Variants in SLC12A3 observed in about 807,000 individuals in gnomAD.
SLC12A3 encodes the protein solute carrier family 12 member 3, also known as Na-Cl cotransporter.
In SLC12A3, 104 loss-of-function variants were observed where a neutral mutation model predicts 121.0. That is an observed-to-expected ratio of 0.86 (90% confidence interval 0.73 to 1.01). SLC12A3 has a LOEUF of 1.01. SLC12A3 is among the 50% of genes least tolerant of loss of function. The pLI, the probability that SLC12A3 is intolerant of heterozygous loss-of-function variation, is 0.00. For synonymous variants in SLC12A3, 536 were observed against 533.4 expected, an observed-to-expected ratio of 1.00 and a Z score of -0.07; for missense variants, 1,328 against 1,356.3, an observed-to-expected ratio of 0.98 and a Z score of 0.33.
intron 23 of SLC12A3, among the ~76,000 whole-genome samples, chr16:56,900,062 G>A (rs1216666712): frequency 2.0e-5 from 3 of 152,114 alleles, no homozygotes; most frequent in Non-Finnish European, 2.9e-5. Context: ...TTTGTATTTT[G>A]TCAATCAGTG....
At chr16:56,870,555 T>C (rs1015956371) in intron 5 of SLC12A3, 71 bp from the exon 6 acceptor site, 23 of 1,039,980 alleles carry the variant, frequency 2.2e-5, no homozygotes, top group Non-Finnish European at 3.5e-5. Context: ...AGGTGCCTCC[T>C]AGGTGGGCAG....
chr16:56,875,049 G>A (rs1271343575), intron 8 of SLC12A3, among the ~76,000 whole-genome samples: 2 of 152,138 alleles, frequency 1.3e-5, no homozygotes, highest in East Asian at 1.9e-4. Flanking sequence ...TCATTAGATC[G>A]TTGCCTGGGA....
chr16:56,894,713 C>T, intron 22 of SLC12A3, 71 bp downstream of exon 22: 1 of 1,180,416 alleles, frequency 8.5e-7, no homozygotes, highest in East Asian at 2.4e-5. Context: ...CAAGGCTGTC[C>T]CCTACCCTAG....
At chr16:56,867,743 G>A (rs892265989) in intron 2 of SLC12A3, among the ~76,000 whole-genome samples, 2 of 152,216 alleles carry the variant, frequency 1.3e-5, no homozygotes, top group South Asian at 4.1e-4. Flanking sequence ...TCTCCCTCCT[G>A]GGCTGTGTTG....
At chr16:56,889,709 A>C (rs181326191) in intron 18 of SLC12A3, among the ~76,000 whole-genome samples, 6 of 152,270 alleles carry the variant, frequency 3.9e-5, no homozygotes, top group Non-Finnish European at 7.4e-5. Context: ...TCCTGACCTC[A>C]GGTGATCCGC....
intron 19 of SLC12A3, among the ~76,000 whole-genome samples, chr16:56,890,902 CA>C (rs11342916): frequency 0.46 from 55,918 of 121,758 alleles, 11,263 homozygotes; most frequent in East Asian, 0.61. Flanking sequence ...GACTCCATCT[CA>C]AAAAAAAAAA....
chr16:56,896,739 C>G (rs572153170), intron 22 of SLC12A3, among the ~76,000 whole-genome samples: 1 of 152,240 alleles, frequency 6.6e-6, no homozygotes, highest in East Asian at 1.9e-4. Flanking sequence ...AGAACAGATG[C>G]TATCTCTATT....
intron 25 of SLC12A3, 94 bp downstream of exon 25, chr16:56,904,556 C>T: frequency 8.4e-7 from 1 of 1,192,114 alleles, no homozygotes; most frequent in Non-Finnish European, 1.2e-6. Context: ...ACGGAGGGCC[C>T]AAGCCTTCCC....
intron 25 of SLC12A3, among the ~76,000 whole-genome samples, chr16:56,910,578 AATCC>A (rs1374413952): frequency 6.6e-6 from 1 of 152,138 alleles, no homozygotes; most frequent in Non-Finnish European, 1.5e-5. Flanking sequence ...GAGCTCAAGC[AATCC>A]ACCTGCCTTG....
chr16:56,901,777 C>A (rs1416310027), intron 23 of SLC12A3, among the ~76,000 whole-genome samples: 1 of 152,226 alleles, frequency 6.6e-6, no homozygotes, highest in Non-Finnish European at 1.5e-5. Context: ...CACCTCCTCC[C>A]ACCCTTCCCT....
intron 21 of SLC12A3, among the ~76,000 whole-genome samples, chr16:56,894,145 A>G (rs1300209591): frequency 1.3e-5 from 2 of 151,948 alleles, no homozygotes; most frequent in Non-Finnish European, 2.9e-5. Flanking sequence ...CTGGGATTAT[A>G]GGTGTGCACC....
At chr16:56,871,876 C>T (rs2055101579) in intron 6 of SLC12A3, among the ~76,000 whole-genome samples, 1 of 152,206 alleles carries the variant, frequency 6.6e-6, no homozygotes, top group Admixed American at 6.5e-5. Context: ...ACACCCACCA[C>T]CATGCCTGGC....
At chr16:56,869,110 G>A (rs1327916392) in intron 3 of SLC12A3, among the ~76,000 whole-genome samples, 1 of 152,236 alleles carries the variant, frequency 6.6e-6, no homozygotes, top group Non-Finnish European at 1.5e-5. Flanking sequence ...AGGAAAATGA[G>A]GGTGATAACA....
intron 25 of SLC12A3, among the ~76,000 whole-genome samples, chr16:56,905,948 T>C (rs1234754766): frequency 6.6e-6 from 1 of 152,178 alleles, no homozygotes; most frequent in African/African-American, 2.4e-5. Context: ...CAACCACAAG[T>C]GCCTCATCAA....
rs1244209340 is a variant in SLC12A3, at chr16:56,884,194, C to T, written c.1815C>T (p.Tyr605=). Residue 605 remains tyrosine, a synonymous_variant, in exon 14 of 26, where the codon TAC becomes TAT. Coordinates refer to ENST00000563236, the MANE Select transcript of SLC12A3 (RefSeq NM_001126108.2). ...VVLFLLLYVI[Y]KKPEVNWGSS... ...TCTTCCTCCTGCTCTATGTCATCTA[C>T]AAGAAGCCAGGTGCGCATCTCAGCT... The T allele has an allele frequency of 2.5e-6, 4 of 1,614,132 alleles. No homozygotes were observed. In the South Asian group the frequency reaches 3.3e-5, roughly 13 times the overall value.
rs1188109328 is a variant in SLC12A3, at chr16:56,884,211, A to G, written c.1825+7A>G. ...GTCATCTACAAGAAGCCAGGTGCGCATCTCAGCTGCGGGGCCTCGGCCCTC... is the reference window on the plus strand; with the variant it reads ...GTCATCTACAAGAAGCCAGGTGCGCGTCTCAGCTGCGGGGCCTCGGCCCTC... On this transcript the variant is annotated splice_region_variant and intron_variant, in intron 14 of 25. Coordinates refer to ENST00000563236, the MANE Select transcript of SLC12A3 (RefSeq NM_001126108.2). 2 of 1,613,834 alleles carry G rather than the reference A, an allele frequency of 1.2e-6. No homozygotes were observed. Among genetic ancestry groups the G allele is most frequent in the South Asian group, 2.2e-5 (2 of 91,076 alleles).
Position 56,894,310 on chromosome 16 carries a change from CTTGT to C in SLC12A3, c.2522-218_2522-215del, listed in dbSNP as rs1396799568. Among the ~76,000 whole-genome samples the C allele has an allele frequency of 1.3e-5, 2 of 152,148 alleles. No homozygotes were observed. Among genetic ancestry groups the C allele is most frequent in the Non-Finnish European group, 2.9e-5 (2 of 68,034 alleles). Reference sequence around the variant, plus strand: ...ATGAGCCATGGCGCCCGGCCGCCAGCTTGTTTATTTAAATATGCTGCACAAGCAC... The same window carrying C: ...ATGAGCCATGGCGCCCGGCCGCCAGCTTATTTAAATATGCTGCACAAGCAC... On this transcript the variant is annotated intron_variant, in intron 21 of 25. Transcript: ENST00000563236.
At chr16:56,876,243 AATCCGGT>A (rs2055162396) in intron 8 of SLC12A3, among the ~76,000 whole-genome samples, 2 of 152,026 alleles carry the variant, frequency 1.3e-5, no homozygotes, top group Admixed American at 6.6e-5. Flanking sequence ...GGCCCACCCT[AATCCGGT>A]ATGACCTCAT....
chr16:56,878,157 C>T lies in SLC12A3; in HGVS notation c.1176C>T (p.Thr392=), dbSNP rs117440321. 1.5e-3 allele frequency: 2,422 copies of T among 1,611,202 alleles called. 44 individuals carry two copies. In the Admixed American group the frequency reaches 0.031, roughly 20 times the overall value. ...TTTCCTACCTGGCCATCTCAGCCACCATTGGTAAGTGGCCGGCCCAGCCAG... is the reference window on the plus strand; with the variant it reads ...TTTCCTACCTGGCCATCTCAGCCACTATTGGTAAGTGGCCGGCCCAGCCAG... ...TTISYLAISA[T]IGSCVVRDAS... is the part of the protein sequence containing the mutation. The change falls in exon 9 of 26, where the codon ACC becomes ACT. Residue 392 remains threonine, a synonymous_variant. Transcript: ENST00000563236.
Sources: gnomAD v4.1 joint callset for allele counts (sites outside exome capture counted in the v4.1 genomes callset) on GRCh38, gnomAD v4.1.1 for gene constraint, MANE v1.5 for transcripts, NCBI Gene and HGNC (gene_info 2026-07-23, HGNC 2026-07-21) for gene names.